The following ANKRD11 variants were observed in gnomAD, a reference collection of about 807,000 sequenced individuals.
The protein encoded by ANKRD11 is ankyrin repeat domain 11.
Under a neutral mutation model 195.7 loss-of-function variants are expected in ANKRD11, and 17 were observed. The observed-to-expected ratio is 0.09, with a 90% CI of 0.06 to 0.13. The LOEUF (loss-of-function observed/expected upper bound fraction) is 0.13, where lower values mean the gene tolerates loss of function less well. ANKRD11 is among the 10% of genes least tolerant of loss of function. The pLI, the probability that ANKRD11 is intolerant of heterozygous loss-of-function variation, is 1.00. For missense variants in ANKRD11, 3,735 were observed against 3,566.1 expected, an observed-to-expected ratio of 1.05 and a Z score of -1.21; for synonymous variants, 1,953 against 1,528.1, an observed-to-expected ratio of 1.28 and a Z score of -6.49.
intron 2 of ANKRD11, among the ~76,000 whole-genome samples, chr16:89,338,836 C>T (rs1463197526): frequency 6.7e-6 from 1 of 149,992 alleles, no homozygotes; most frequent in Non-Finnish European, 1.5e-5. Context: ...GCAAAACAAT[C>T]ATTTCCCTTT....
At chr16:89,287,234 G>A (rs1331260525) in intron 7 of ANKRD11, 21 of 533,674 alleles carry the variant, frequency 3.9e-5, no homozygotes, top group South Asian at 2.6e-4. Flanking sequence ...GGCCCTCCTC[G>A]GGTTCTAACC....
At chr16:89,428,975 A>G (rs1487759807) in intron 1 of ANKRD11, among the ~76,000 whole-genome samples, 1 of 152,064 alleles carries the variant, frequency 6.6e-6, no homozygotes, top group Non-Finnish European at 1.5e-5. Flanking sequence ...TGAGCCCACA[A>G]TGATTTGTAC....
chr16:89,447,096 T>A (rs1433208323), intron 1 of ANKRD11, among the ~76,000 whole-genome samples: 2 of 151,808 alleles, frequency 1.3e-5, no homozygotes, highest in Non-Finnish European at 2.9e-5. Flanking sequence ...AGCACGTGAC[T>A]GCATGACCCC....
In ANKRD11 at chr16:89,302,381, T is replaced by C. The variant is rs1232364698; in HGVS notation, c.226+2825A>G. On this transcript the variant is annotated intron_variant, in intron 4 of 12. Coordinates refer to ENST00000301030, the MANE Select transcript of ANKRD11 (RefSeq NM_013275.6). ...AATTCTCCTGCCTCAGCCTCCCGAG[T>C]AGCTGGGATTACAGGCACCCGCCGC... Among the ~76,000 whole-genome samples the C allele has an allele frequency of 3.3e-5, 5 of 152,232 alleles. No homozygotes were observed. In the East Asian group the frequency reaches 9.7e-4, roughly 29 times the overall value.
chr16:89,373,550 G>A (rs897647526), intron 2 of ANKRD11: 1 of 152,270 alleles, frequency 6.6e-6, no homozygotes, highest in African/African-American at 2.4e-5. Flanking sequence ...GCTAAATATG[G>A]CTCATAGCAG....
In ANKRD11 at chr16:89,290,648, T is replaced by A. The variant is rs1399751146; in HGVS notation, c.578A>T (p.Asp193Val). The A allele has an allele frequency of 6.2e-7, 1 of 1,613,426 alleles. No homozygotes were observed. Among genetic ancestry groups the A allele is most frequent in the Non-Finnish European group, 8.5e-7 (1 of 1,180,016 alleles). Residue 193 changes from aspartate to valine, a missense_variant, in exon 6 of 13, where the codon GAC (aspartate) becomes GTC (valine). Physicochemically the swap from Asp to Val is radical, Grantham distance 152. Coordinates refer to ENST00000301030, the MANE Select transcript of ANKRD11 (RefSeq NM_013275.6). ...RIKELISEGA[D>V]VNVKDFAGWT... ...ACCTGCGAAGTCCTTGACGTTGACG[T>A]CTGCCCCCTCGCTGATGAGCTCTTT... is the stretch of plus-strand genomic sequence containing the variant.
Position 89,319,427 on chromosome 16 carries a change from C to T in ANKRD11, c.-59-2349G>A, listed in dbSNP as rs544222102. 2.6e-5 allele frequency among the ~76,000 whole-genome samples: 4 copies of T among 152,314 alleles called. No individual in the cohort carries two copies. The South Asian group carries it at 6.2e-4, about 24-fold the overall frequency. On this transcript the variant is annotated intron_variant, in intron 2 of 12. Coordinates refer to ENST00000301030, the MANE Select transcript of ANKRD11 (RefSeq NM_013275.6). The stretch of plus-strand genomic sequence containing the variant: ...ATACTTTTCACGGCCTGCATCACAG[C>T]GAACACTCCGGGGACTCGGGAGTGT...
rs1321232084 is a variant in ANKRD11 at position 89,313,341 on chromosome 16, A to T, written c.87+3592T>A. ...CCTTTGGATCAGAACACACTCAACG[A>T]TGCAGACACCTGCTGGTTCTTCCCG... On this transcript the variant is annotated intron_variant, in intron 3 of 12. Transcript: ENST00000301030. 3.1e-6 allele frequency: 4 copies of T among 1,287,348 alleles called. No homozygotes were observed. In the South Asian group the frequency reaches 4.9e-5, roughly 16 times the overall value. The allele number at this position is 1,287,348 out of a possible 1,614,324, so 79.7% of individuals were successfully genotyped here. A position where few individuals can be genotyped will look rare whatever the true frequency, so the allele number is the denominator to read the frequency against.
Position 89,490,496 on chromosome 16 carries a change from G to A in ANKRD11, c.-396C>T, listed in dbSNP as rs2057792835. The A allele has an allele frequency of 4.3e-6, 2 of 459,772 alleles. No individual in the cohort carries two copies. The highest frequency in any genetic ancestry group is 5.7e-4 in the Middle Eastern group (1 of 1,748). The allele number at this position is 459,772 out of a possible 1,614,324, so 28.5% of individuals were successfully genotyped here. A position where few individuals can be genotyped will look rare whatever the true frequency, so the allele number is the denominator to read the frequency against. ...CTACTGATGGGGCGTCTGGCCGCGG[G>A]CTCGGCGGCGGCGCCTCCCCGGCTG... is the stretch of plus-strand genomic sequence containing the variant. On this transcript the variant is annotated 5_prime_UTR_variant, in exon 1 of 13. Coordinates refer to ENST00000301030, the MANE Select transcript of ANKRD11 (RefSeq NM_013275.6).
chr16:89,285,823 G>A lies in ANKRD11; in HGVS notation c.893-174C>T, dbSNP rs2151767490. Among the ~76,000 whole-genome samples the A allele has an allele frequency of 6.6e-6, 1 of 152,360 alleles. No homozygotes were observed. The highest frequency in any genetic ancestry group is 6.5e-5 in the Admixed American group (1 of 15,310). ...CACAGGCAGGAGGAAACCAGACAGA[G>A]CTCAGCTGACAGACAGGGCTGGCAT... On this transcript the variant is annotated intron_variant, in intron 8 of 12. Transcript: ENST00000301030. This position sits in a 1 kb window ranked among gnomAD's most constrained non-coding sequence, Gnocchi z 5.6.
At chr16:89,441,311 T>G (rs2043453658) in intron 1 of ANKRD11, among the ~76,000 whole-genome samples, 1 of 152,262 alleles carries the variant, frequency 6.6e-6, no homozygotes, top group African/African-American at 2.4e-5. Flanking sequence ...TAAATGAATT[T>G]TCATTCTGAA....
In ANKRD11 at chr16:89,329,261, C is replaced by G. The variant is rs553866315; in HGVS notation, c.-59-12183G>C. On this transcript the variant is annotated intron_variant, in intron 2 of 12. Transcript: ENST00000301030. The stretch of plus-strand genomic sequence containing the variant: ...AGGTATCCAGGATAAGACGGGGGAT[C>G]TGAATCAAGTCTGCAGGGCGGTCAC... Among the ~76,000 whole-genome samples the G allele has an allele frequency of 7.9e-5, 12 of 152,330 alleles. No homozygotes were observed. The East Asian group carries it at 2.3e-3, about 29-fold the overall frequency.
At chr16:89,344,557 T>C (rs1425506305) in intron 2 of ANKRD11, among the ~76,000 whole-genome samples, 1 of 152,220 alleles carries the variant, frequency 6.6e-6, no homozygotes, top group Non-Finnish European at 1.5e-5. Context: ...CTCCTCCTTG[T>C]CTGAACGCTG....
At chr16:89,355,938 G>C in intron 2 of ANKRD11, among the ~76,000 whole-genome samples, 1 of 152,188 alleles carries the variant, frequency 6.6e-6, no homozygotes, top group East Asian at 1.9e-4. Flanking sequence ...GGAACGCTAA[G>C]TGACTCGCCC....
At chr16:89,320,283 G>A (rs2037227115) in intron 2 of ANKRD11, 1 of 152,384 alleles carries the variant, frequency 6.6e-6, no homozygotes, top group African/African-American at 2.4e-5. Context: ...TCCCGGGGGA[G>A]ACTCTTCCCT....
At chr16:89,295,607 T>C (rs1287378408) in intron 4 of ANKRD11, among the ~76,000 whole-genome samples, 3 of 152,134 alleles carry the variant, frequency 2.0e-5, no homozygotes, top group African/African-American at 4.8e-5. Flanking sequence ...CAGTGGACAA[T>C]GCTTTTGGGA....
intron 4 of ANKRD11, chr16:89,299,619 G>T (rs1421099192): frequency 5.2e-4 from 84 of 160,708 alleles, no homozygotes; most frequent in Middle Eastern, 3.0e-3. Flanking sequence ...GCCCTGTGTG[G>T]GATGCATGGG....
chr16:89,470,583 C>T (rs920238193), intron 1 of ANKRD11, among the ~76,000 whole-genome samples: 3 of 152,214 alleles, frequency 2.0e-5, no homozygotes, highest in Admixed American at 6.5e-5. Context: ...CGATGGCTCA[C>T]GCCTCTAATC....
intron 6 of ANKRD11, among the ~76,000 whole-genome samples, chr16:89,290,135 G>A (rs1185422743): frequency 2.0e-5 from 3 of 152,270 alleles, no homozygotes; most frequent in African/African-American, 7.2e-5. Flanking sequence ...GAGTGAGTGT[G>A]GCTGTGAACA....
Sources: gnomAD v4.1 joint callset for allele counts (sites outside exome capture counted in the v4.1 genomes callset) on GRCh38, gnomAD v4.1.1 for gene constraint, Gnocchi (gnomAD v3.1) non-coding constraint, MANE v1.5 for transcripts, NCBI Gene and HGNC (gene_info 2026-07-23, HGNC 2026-07-21) for gene names.